Variants in THUMPD2 observed in about 807,000 individuals in gnomAD.
THUMPD2 encodes the protein THUMP domain 2 tRNA and snRNA guanosine methyltransferase, also known as U6 snRNA (guanine-N(2))-methyltransferase THUMPD2.
Under a neutral mutation model 49.4 loss-of-function variants are expected in THUMPD2, and 56 were observed. That is an observed-to-expected ratio of 1.13 (90% confidence interval 0.91 to 1.41). The LOEUF (loss-of-function observed/expected upper bound fraction) is 1.41. Ranked by LOEUF, THUMPD2 falls within the 40% of genes most tolerant of loss-of-function variation. The pLI, the probability that THUMPD2 is intolerant of heterozygous loss-of-function variation, is 0.00. For missense variants in THUMPD2, 709 were observed against 594.5 expected, an observed-to-expected ratio of 1.19 and a Z score of -2.00; for synonymous variants, 237 against 205.2, an observed-to-expected ratio of 1.15 and a Z score of -1.32.
In THUMPD2 at chr2:39,736,814, A is replaced by T. The variant is rs1360504634; in HGVS notation, c.1433T>A (p.Val478Glu). The change falls in exon 10 of 10, where the codon GTG becomes GAG. Residue 478 changes from valine to glutamate, a missense_variant. Transcript: ENST00000505747. The stretch of plus-strand genomic sequence containing the variant: ...TCCAAGGCTAACTTTGTAGCATTCC[A>T]CTGGTACCAAGGAGCCAAATGGTGA... Reference protein sequence around the residue: ...RMSPFGSLVPVECYKVSLGKT... With the variant: ...RMSPFGSLVPEECYKVSLGKT... 5 of 1,614,084 alleles carry T rather than the reference A, an allele frequency of 3.1e-6. No homozygotes were observed. In the Admixed American group the frequency reaches 6.7e-5, roughly 22 times the overall value.
chr2:39,745,124 G>GT (rs1217008504), intron 8 of THUMPD2, among the ~76,000 whole-genome samples: 15 of 152,230 alleles, frequency 9.9e-5, no homozygotes, highest in African/African-American at 3.6e-4. Flanking sequence ...TCTTCTAGAT[G>GT]TACTTTCCAC....
chr2:39,755,832 C>T, intron 7 of THUMPD2, 57 bp downstream of exon 7: 1 of 1,398,262 alleles, frequency 7.2e-7, no homozygotes, highest in Non-Finnish European at 1.0e-6. Flanking sequence ...GGTGATTATA[C>T]TACATATACT....
chr2:39,768,794 T>C, intron 3 of THUMPD2: 1 of 860,068 alleles, frequency 1.2e-6, no homozygotes, highest in East Asian at 4.4e-5. Flanking sequence ...CTGATAAATA[T>C]GATCATTCTG....
chr2:39,755,209 A>T, intron 8 of THUMPD2, 86 bp downstream of exon 8: 2 of 905,190 alleles, frequency 2.2e-6, no homozygotes, highest in Non-Finnish European at 3.3e-6. Context: ...ACCAACCTTT[A>T]CATAGTGAGA....
Position 39,769,945 on chromosome 2 carries a change from T to G in THUMPD2, c.437A>C (p.Lys146Thr), listed in dbSNP as rs199817285. The change falls in exon 3 of 10, where the codon AAA becomes ACA. Residue 146 changes from lysine to threonine, a missense_variant. Coordinates refer to ENST00000505747, the MANE Select transcript of THUMPD2 (RefSeq NM_025264.5). ...CTTTTGCATTTGTTCTATTTTTAAT[T>G]TCTTTGCAATGATTTCATTTTCTCC... ...KVGENEIIAK[K>T]LKIEQMQKIE... The G allele has an allele frequency of 3.8e-6, 6 of 1,577,210 alleles. No homozygotes were observed. Among genetic ancestry groups the G allele is most frequent in the African/African-American group, 1.4e-5 (1 of 72,152 alleles).
chr2:39,755,896 T>A lies in THUMPD2; in HGVS notation c.956A>T (p.Glu319Val). 1 of 1,613,794 alleles carries A rather than the reference T, an allele frequency of 6.2e-7. No individual in the cohort carries two copies. The highest frequency in any genetic ancestry group is 8.5e-7 in the Non-Finnish European group (1 of 1,179,810). The change falls in exon 7 of 10, where the codon GAA becomes GTA. Residue 319 changes from glutamate (E) to valine (V), a missense_variant. Glu to Val is a moderately radical substitution (Grantham distance 121). Transcript: ENST00000505747. ...LGTILLEAAK[E>V]WPDVYYVGAD... ...CCAAACTTTAGAACTTACTGGCCAT[T>A]CTTTAGCAGCTTCCAAAAGTATTGT...
chr2:39,774,802 G>A, intron 1 of THUMPD2, among the ~76,000 whole-genome samples: 2 of 151,712 alleles, frequency 1.3e-5, no homozygotes, highest in South Asian at 4.2e-4. Context: ...TATACAATCT[G>A]TTTTTTTCTA....
intron 8 of THUMPD2, among the ~76,000 whole-genome samples, chr2:39,747,148 T>A (rs1674711318): frequency 6.6e-6 from 1 of 152,220 alleles, no homozygotes; most frequent in Non-Finnish European, 1.5e-5. Flanking sequence ...TGGTTAGGCA[T>A]AATATTTTTG....
intron 8 of THUMPD2, among the ~76,000 whole-genome samples, chr2:39,747,177 T>G (rs1321460541): frequency 2.0e-5 from 3 of 152,228 alleles, no homozygotes; most frequent in African/African-American, 7.2e-5. Context: ...TTTGCTTTGG[T>G]AACTTTGTAA....
At chr2:39,770,549 TGTTAC>T (rs1678177371) in intron 2 of THUMPD2, among the ~76,000 whole-genome samples, 1 of 152,124 alleles carries the variant, frequency 6.6e-6, no homozygotes, top group African/African-American at 2.4e-5. Context: ...ATCTTGGGCC[TGTTAC>T]ATTTTAGCCC....
At chr2:39,738,070 C>A (rs1050190804) in intron 9 of THUMPD2, among the ~76,000 whole-genome samples, 15 of 151,988 alleles carry the variant, frequency 9.9e-5, no homozygotes, top group African/African-American at 3.6e-4. Flanking sequence ...GTAGCTAAAG[C>A]CATAATGGTG....
Position 39,769,835 on chromosome 2 carries a change from T to G in THUMPD2, c.547A>C (p.Lys183Gln), listed in dbSNP as rs750687817. The part of the protein sequence containing the change: ...EQRDFTTKSE[K>Q]FQEEEFQNDI... ...TTCTGAAATTCTTCTTCTTGAAACT[T>G]TTCGCTTTTAGTGGTAAAATCTCTT... Residue 183 changes from lysine (K) to glutamine (Q), a missense_variant, in exon 3 of 10, where the codon AAG (lysine) becomes CAG (glutamine). Transcript: ENST00000505747. 3 of 1,612,154 alleles carry G rather than the reference T, an allele frequency of 1.9e-6. No individual in the cohort carries two copies. In the South Asian group the frequency reaches 3.3e-5, roughly 18 times the overall value.
chr2:39,758,468 G>A (rs759966172), intron 6 of THUMPD2, among the ~76,000 whole-genome samples: 9 of 152,142 alleles, frequency 5.9e-5, no homozygotes, highest in Admixed American at 1.3e-4. Flanking sequence ...GAACATGTGT[G>A]GGGCCTCCCT....
rs1350606070 is a variant in THUMPD2 at position 39,757,462 on chromosome 2, GGCAGTAAGGA to G, written c.892-1512_892-1503del. Reference sequence around the variant, plus strand: ...ATATCACACAAATCCCCCATGAAGGGGCAGTAAGGAGCAGAAGGAAAAATTTAAATGCAAA... The same window carrying G: ...ATATCACACAAATCCCCCATGAAGGGGCAGAAGGAAAAATTTAAATGCAAA... On this transcript the variant is annotated intron_variant, in intron 6 of 9. Coordinates refer to ENST00000505747, the MANE Select transcript of THUMPD2 (RefSeq NM_025264.5). The G allele has an allele frequency of 1.6e-5, 20 of 1,257,350 alleles. No homozygotes were observed. In the East Asian group the frequency reaches 5.7e-4, roughly 36 times the overall value. The allele number at this position is 1,257,350 out of a possible 1,614,324, so 77.9% of individuals were successfully genotyped here.
In THUMPD2 at chr2:39,743,484, T is replaced by C. The variant is rs528891081; in HGVS notation, c.1187+886A>G. On this transcript the variant is annotated intron_variant, in intron 9 of 9. Transcript: ENST00000505747. ...GATGTTTGTCCCCCTATACCTCATG[T>C]TGAAATTTGATCCCCAGTGTTGGAG... 2.0e-5 allele frequency among the ~76,000 whole-genome samples: 3 copies of C among 152,320 alleles called. No homozygotes were observed. In the South Asian group the frequency reaches 6.2e-4, roughly 32 times the overall value.
rs933513306 is a variant in THUMPD2 at position 39,741,276 on chromosome 2, C to T, written c.1187+3094G>A. Among the ~76,000 whole-genome samples, 3 of 152,294 alleles carry T rather than the reference C, an allele frequency of 2.0e-5. No homozygotes were observed. The East Asian group carries it at 5.8e-4, about 29-fold the overall frequency. On this transcript the variant is annotated intron_variant, in intron 9 of 9. Coordinates refer to ENST00000505747, the MANE Select transcript of THUMPD2 (RefSeq NM_025264.5). The stretch of plus-strand genomic sequence containing the variant: ...TATTTGTCCATGGAACACATTAAGT[C>T]TTAACCACCTACTATAAATCCTTTG...
At chr2:39,743,698 C>T (rs1674208187) in intron 9 of THUMPD2, among the ~76,000 whole-genome samples, 1 of 152,178 alleles carries the variant, frequency 6.6e-6, no homozygotes, top group African/African-American at 2.4e-5. Flanking sequence ...TCTCTGCACA[C>T]CGGGCTTGCC....
chr2:39,771,314 T>C lies in THUMPD2; in HGVS notation c.262+191A>G, dbSNP rs569441439. Reference sequence around the variant, plus strand: ...TCTCATTAAAAAGGCAGCACGCAGGTTGCAAAGAGAAGAAATATTCTACTA... The same window carrying C: ...TCTCATTAAAAAGGCAGCACGCAGGCTGCAAAGAGAAGAAATATTCTACTA... On this transcript the variant is annotated intron_variant, in intron 2 of 9. Coordinates refer to ENST00000505747, the MANE Select transcript of THUMPD2 (RefSeq NM_025264.5). Among the ~76,000 whole-genome samples the C allele has an allele frequency of 2.6e-5, 4 of 152,144 alleles. No homozygotes were observed. The South Asian group carries it at 8.3e-4, about 31-fold the overall frequency.
chr2:39,772,377 C>A (rs537043075), intron 1 of THUMPD2, among the ~76,000 whole-genome samples: 1 of 152,128 alleles, frequency 6.6e-6, no homozygotes, highest in Non-Finnish European at 1.5e-5. Context: ...TGTGACAGCA[C>A]TGAATTAGCT....
Sources: allele counts gnomAD v4.1 joint callset (sites outside exome capture counted in the v4.1 genomes callset), GRCh38; gene constraint gnomAD v4.1.1; transcripts MANE v1.5; gene names NCBI Gene and HGNC (gene_info 2026-07-23, HGNC 2026-07-21).